The following KCNB2 variants were observed in gnomAD, a reference collection of about 807,000 sequenced individuals.
KCNB2 encodes the protein delayed rectifier potassium channel protein.
A neutral mutation model predicts 61.5 loss-of-function variants in KCNB2; 15 were observed. That is an observed-to-expected ratio of 0.24 (90% CI 0.16 to 0.38). KCNB2 has a LOEUF of 0.38. Among genes scored for constraint, KCNB2 ranks in the 10% least tolerant of loss-of-function variants. The pLI is 1.00. For synonymous variants in KCNB2, 457 were observed against 446.0 expected (o/e 1.02, Z -0.31); for missense variants, 828 against 1,125.2 (o/e 0.74, Z 3.78).
intron 2 of KCNB2, among the ~76,000 whole-genome samples, chr8:72,821,743 C>CTTCTAT (rs1357365147): frequency 6.6e-6 from 1 of 151,194 alleles, no homozygotes; most frequent in Non-Finnish European, 1.5e-5. Context: ...TTCAATTTAC[C>CTTCTAT]TTCTATAAGC....
Position 72,936,620 on chromosome 8 carries a change from A to G in KCNB2, c.1265A>G (p.Glu422Gly). Residue 422 changes from glutamate to glycine, a missense_variant, in exon 3 of 3, where the codon GAG becomes GGG. Physicochemically the swap from Glu to Gly is moderately conservative, Grantham distance 98. Transcript: ENST00000523207. The surrounding 1 kb of genome is among the most constrained non-coding windows in gnomAD (Gnocchi z 5.6). ...CCAATTATTGTGAACAATTTTTCTGAGTTTTACAAGGAGCAGAAACGCCAA... is the reference window on the plus strand; with the variant it reads ...CCAATTATTGTGAACAATTTTTCTGGGTTTTACAAGGAGCAGAAACGCCAA... ...PIPIIVNNFS[E>G]FYKEQKRQEK... The G allele has an allele frequency of 6.2e-7, 1 of 1,614,136 alleles. No homozygotes were observed. Among genetic ancestry groups the G allele is most frequent in the Non-Finnish European group, 8.5e-7 (1 of 1,180,030 alleles).
chr8:72,909,539 A>C (rs1003737967), intron 2 of KCNB2, among the ~76,000 whole-genome samples: 1 of 152,052 alleles, frequency 6.6e-6, no homozygotes, highest in Non-Finnish European at 1.5e-5. Context: ...GGTGAGAACA[A>C]TGGGAAGATT....
chr8:72,732,722 T>C (rs1807767945), intron 2 of KCNB2, among the ~76,000 whole-genome samples: 1 of 152,176 alleles, frequency 6.6e-6, no homozygotes, highest in African/African-American at 2.4e-5. Flanking sequence ...TTTTCAACCA[T>C]GCTTGAGATT....
intron 2 of KCNB2, among the ~76,000 whole-genome samples, chr8:72,858,966 A>C (rs1309264773): frequency 6.6e-6 from 1 of 152,168 alleles, no homozygotes; most frequent in East Asian, 1.9e-4. Flanking sequence ...GGAGCTTCTA[A>C]TTTTGTTTGC....
intron 2 of KCNB2, among the ~76,000 whole-genome samples, chr8:72,831,309 T>A (rs955531414): frequency 1.3e-5 from 2 of 152,354 alleles, no homozygotes; most frequent in South Asian, 4.1e-4. Flanking sequence ...AAAATATGAA[T>A]GCCCAAAGAG....
chr8:72,840,374 T>C (rs1809860267), intron 2 of KCNB2, among the ~76,000 whole-genome samples: 1 of 152,206 alleles, frequency 6.6e-6, no homozygotes, highest in Non-Finnish European at 1.5e-5. Context: ...TAAACATACA[T>C]GTGCATGTGT....
chr8:72,900,080 C>G (rs1465082377), intron 2 of KCNB2, among the ~76,000 whole-genome samples: 1 of 152,108 alleles, frequency 6.6e-6, no homozygotes, highest in Non-Finnish European at 1.5e-5. Flanking sequence ...AGGCATCATG[C>G]TACCTGACTT....
At chr8:72,582,955 A>T (rs1563529827) in intron 2 of KCNB2, among the ~76,000 whole-genome samples, 1 of 152,080 alleles carries the variant, frequency 6.6e-6, no homozygotes. Flanking sequence ...TAATGTGAAA[A>T]GGGGAAATCA....
intron 2 of KCNB2, among the ~76,000 whole-genome samples, chr8:72,693,704 C>T (rs1030848789): frequency 6.6e-6 from 1 of 152,160 alleles, no homozygotes; most frequent in Non-Finnish European, 1.5e-5. Flanking sequence ...CCAATAGTCA[C>T]AGAGTTGTAG....
At chr8:72,818,954 T>C (rs1457808842) in intron 2 of KCNB2, among the ~76,000 whole-genome samples, 1 of 152,222 alleles carries the variant, frequency 6.6e-6, no homozygotes, top group African/African-American at 2.4e-5. Flanking sequence ...ACCAGTTGTG[T>C]AAAACCATTC....
chr8:72,660,535 C>A (rs949895842), intron 2 of KCNB2: 2 of 152,126 alleles, frequency 1.3e-5, no homozygotes, highest in Admixed American at 6.5e-5. Flanking sequence ...CATAAGTATG[C>A]CTTTTGGAAT....
intron 2 of KCNB2, among the ~76,000 whole-genome samples, chr8:72,870,934 G>A (rs1037388139): frequency 4.6e-5 from 7 of 152,288 alleles, no homozygotes; most frequent in South Asian, 4.1e-4. Flanking sequence ...CCAAGATCAC[G>A]CCACTGCACT....
At chr8:72,622,045 C>T (rs1030395942) in intron 2 of KCNB2, among the ~76,000 whole-genome samples, 4 of 152,064 alleles carry the variant, frequency 2.6e-5, no homozygotes, top group Admixed American at 6.6e-5. Context: ...TTTAAAAAAT[C>T]GTTTTGTCAA....
intron 2 of KCNB2, among the ~76,000 whole-genome samples, chr8:72,591,574 G>C (rs1232760555): frequency 6.6e-6 from 1 of 152,088 alleles, no homozygotes; most frequent in African/African-American, 2.4e-5. Flanking sequence ...AAAAAGTCAA[G>C]AGTTATATAT....
At chr8:72,826,093 CT>C (rs1809591571) in intron 2 of KCNB2, among the ~76,000 whole-genome samples, 1 of 152,138 alleles carries the variant, frequency 6.6e-6, no homozygotes, top group African/African-American at 2.4e-5. Flanking sequence ...ATCTGACATC[CT>C]TTTTAAGGTC....
intron 2 of KCNB2, among the ~76,000 whole-genome samples, chr8:72,717,249 A>G (rs34848453): frequency 0.14 from 21,437 of 152,230 alleles, 2,007 homozygotes; most frequent in Non-Finnish European, 0.2. Context: ...AAGGTAATTT[A>G]TAGATTCAAT....
At chr8:72,845,988 G>GAAA (rs398112603) in intron 2 of KCNB2, among the ~76,000 whole-genome samples, 9 of 143,700 alleles carry the variant, frequency 6.3e-5, no homozygotes, top group Non-Finnish European at 7.5e-5. Flanking sequence ...ACTGGGGTAT[G>GAAA]AAAAAAAAAA....
chr8:72,631,317 G>A (rs907319179), intron 2 of KCNB2, among the ~76,000 whole-genome samples: 3 of 152,170 alleles, frequency 2.0e-5, no homozygotes, highest in Non-Finnish European at 4.4e-5. Flanking sequence ...CAAGGTGTTG[G>A]CAGGGTTGGT....
chr8:72,726,788 G>A (rs1006164616), intron 2 of KCNB2, among the ~76,000 whole-genome samples: 14 of 152,054 alleles, frequency 9.2e-5, no homozygotes, highest in Non-Finnish European at 8.8e-5. Flanking sequence ...TGTTGTTAAT[G>A]AGCCAACATC....
Sources: gnomAD v4.1 joint callset for allele counts (sites outside exome capture counted in the v4.1 genomes callset) on GRCh38, gnomAD v4.1.1 for gene constraint, Gnocchi (gnomAD v3.1) non-coding constraint, MANE v1.5 for transcripts, NCBI Gene and HGNC (gene_info 2026-07-23, HGNC 2026-07-21) for gene names.